The following TMCO5A variants were observed in gnomAD, a reference collection of about 807,000 sequenced individuals.
The protein encoded by TMCO5A is transmembrane and coiled-coil domain-containing protein 5A.
TMCO5A carries 34 observed loss-of-function variants against 42.3 expected under a neutral mutation model. The observed-to-expected ratio is 0.80, with a 90% CI of 0.61 to 1.07. The LOEUF is 1.07. TMCO5A is among the 50% of genes least tolerant of loss of function. The pLI is 0.00. For missense variants in TMCO5A, 357 were observed against 327.9 expected, an observed-to-expected ratio of 1.09 and a Z score of -0.69; for synonymous variants, 131 against 115.6, an observed-to-expected ratio of 1.13 and a Z score of -0.86.
the TMCO5A span, among the ~76,000 whole-genome samples, chr15:38,027,969 A>G: frequency 6.6e-6 from 1 of 152,150 alleles, no homozygotes; most frequent in Non-Finnish European, 1.5e-5. Context: ...TTTATAAATT[A>G]CCCAATCTTG....
At chr15:37,956,046 A>G (rs1356667650), downstream of TMCO5A, among the ~76,000 whole-genome samples, 1 of 152,194 alleles carries the variant, frequency 6.6e-6, no homozygotes, top group Non-Finnish European at 1.5e-5. Context: ...TTTGAAACCA[A>G]TGAGAACAAA....
chr15:38,014,142 T>C, the TMCO5A span, among the ~76,000 whole-genome samples: 1 of 152,192 alleles, frequency 6.6e-6, no homozygotes, highest in Non-Finnish European at 1.5e-5. Context: ...AATTTAATCA[T>C]ACCTGCAAAA....
chr15:37,946,587 A>C (rs1889968342), intron 10 of TMCO5A, among the ~76,000 whole-genome samples: 1 of 151,958 alleles, frequency 6.6e-6, no homozygotes, highest in African/African-American at 2.4e-5. Flanking sequence ...CTTCCCTTGT[A>C]AGCTGTATTC....
At chr15:37,991,073 G>A in the TMCO5A span, among the ~76,000 whole-genome samples, 1 of 152,042 alleles carries the variant, frequency 6.6e-6, no homozygotes, top group African/African-American at 2.4e-5. Flanking sequence ...TTTTAGAATA[G>A]TAATTTTAAA....
At chr15:38,007,158 A>T in the TMCO5A span, among the ~76,000 whole-genome samples, 64 of 152,364 alleles carry the variant, frequency 4.2e-4, no homozygotes, top group Middle Eastern at 3.4e-3. Flanking sequence ...TTTGCCCATG[A>T]ACCATAGTTT....
At position 37,941,732 on chromosome 15, in the gene TMCO5A, T is replaced by C. The variant is rs1889751535; in HGVS notation, c.504+2T>C. ...GAAGATCAAGCCCTCTACATAAAGG[T>C]AGAGCTTCTTGGTAAAGGGATAGCA... On this transcript the variant is annotated splice_donor_variant, in intron 8 of 11. Transcript: ENST00000319669. LOFTEE classifies it high-confidence loss of function. The C allele has an allele frequency of 6.2e-7, 1 of 1,609,562 alleles. No individual in the cohort carries two copies.
chr15:37,999,983 T>G, the TMCO5A span, among the ~76,000 whole-genome samples: 2 of 152,322 alleles, frequency 1.3e-5, no homozygotes, highest in Admixed American at 6.5e-5. Context: ...GCCTGTAGCT[T>G]TCTTTTTTTG....
At chr15:37,992,776 T>C in the TMCO5A span, among the ~76,000 whole-genome samples, 4 of 152,174 alleles carry the variant, frequency 2.6e-5, no homozygotes, top group East Asian at 7.7e-4. Context: ...TGTTCTCACT[T>C]ATAAGTGGGA....
downstream of TMCO5A, among the ~76,000 whole-genome samples, chr15:37,968,121 C>T (rs528195999): frequency 6.6e-6 from 1 of 152,306 alleles, no homozygotes; most frequent in Middle Eastern, 3.4e-3. Context: ...GTGCAGATAA[C>T]AGTGTCCCAT....
At chr15:37,962,013 A>AATT (rs1466799022) in intron 11 of TMCO5A, among the ~76,000 whole-genome samples, 1 of 152,046 alleles carries the variant, frequency 6.6e-6, no homozygotes, top group Non-Finnish European at 1.5e-5. Context: ...CTCTTTACCT[A>AATT]TTTGGGTGCC....
Position 37,945,918 on chromosome 15 carries a change from T to A in TMCO5A, c.628-1738T>A, listed in dbSNP as rs539826381. ...ATTTTGCTTTTGTTGCAATTGCTTT[T>A]GGCATTTTCATCAAGAAATCTTTGC... On this transcript the variant is annotated intron_variant, in intron 10 of 11. Coordinates refer to ENST00000319669, the MANE Select transcript of TMCO5A (RefSeq NM_152453.4). Among the ~76,000 whole-genome samples the A allele has an allele frequency of 3.3e-5, 5 of 152,296 alleles. No homozygotes were observed. In the East Asian group the frequency reaches 9.6e-4, roughly 29 times the overall value.
chr15:38,005,382 A>AC, the TMCO5A span, among the ~76,000 whole-genome samples: 2 of 124,684 alleles, frequency 1.6e-5, no homozygotes, highest in South Asian at 5.5e-4. Context: ...CCACAGCAAG[A>AC]CCCCATCTCT....
chr15:38,006,012 C>T, the TMCO5A span, among the ~76,000 whole-genome samples: 1 of 152,184 alleles, frequency 6.6e-6, no homozygotes, highest in South Asian at 2.1e-4. Context: ...ATTATTTGCA[C>T]TTAAGTGATC....
At chr15:37,974,890 T>C in the TMCO5A span, among the ~76,000 whole-genome samples, 1 of 152,204 alleles carries the variant, frequency 6.6e-6, no homozygotes, top group Non-Finnish European at 1.5e-5. Context: ...GCTATAAATT[T>C]TTCTCTAAAC....
chr15:37,966,520 A>C (rs556530742), intron 11 of TMCO5A: 153 of 699,156 alleles, frequency 2.2e-4, no homozygotes, highest in Non-Finnish European at 3.2e-4. Flanking sequence ...TGTACCCACA[A>C]AATTTTTTTC....
downstream of TMCO5A, among the ~76,000 whole-genome samples, chr15:37,970,404 C>G (rs1384797071): frequency 6.6e-6 from 1 of 152,206 alleles, no homozygotes; most frequent in Non-Finnish European, 1.5e-5. Flanking sequence ...ATTCAACTAT[C>G]TCCCACCAGG....
intron 3 of TMCO5A, 148 bp downstream of exon 3, chr15:37,936,611 C>A: frequency 2.6e-6 from 3 of 1,141,618 alleles, no homozygotes; most frequent in Non-Finnish European, 3.7e-6. Context: ...TTCTCTTGAA[C>A]ACTGAAGCAT....
At chr15:37,937,237 G>T in intron 4 of TMCO5A, 109 bp from the exon 5 acceptor site, 1 of 1,316,858 alleles carries the variant, frequency 7.6e-7, no homozygotes, top group Non-Finnish European at 1.1e-6. Flanking sequence ...ATGCAAATAA[G>T]GTCAAGTTAC....
the TMCO5A span, among the ~76,000 whole-genome samples, chr15:37,981,200 CAA>C: frequency 0.089 from 5,815 of 65,104 alleles, 102 homozygotes; most frequent in East Asian, 0.18. Flanking sequence ...AGAAAGCCAG[CAA>C]AAAAAAAAAA....
Sources: gnomAD v4.1 joint callset for allele counts (sites outside exome capture counted in the v4.1 genomes callset) on GRCh38, gnomAD v4.1.1 for gene constraint, MANE v1.5 for transcripts, NCBI Gene and HGNC (gene_info 2026-07-23, HGNC 2026-07-21) for gene names.